CYP4X1: variants seen among roughly 807,000 people sequenced by gnomAD.
CYP4X1 encodes the protein cytochrome P450 family 4 subfamily X member 1.
Under a neutral mutation model 57.9 loss-of-function variants are expected in CYP4X1, and 44 were observed. The observed-to-expected ratio is 0.76, with a 90% CI of 0.60 to 0.98. The LOEUF is 0.98. CYP4X1 is among the 50% of genes least tolerant of loss of function. The pLI is 0.00. For missense variants in CYP4X1, 532 were observed against 623.9 expected, an observed-to-expected ratio of 0.85 and a Z score of 1.57; for synonymous variants, 227 against 228.6, an observed-to-expected ratio of 0.99 and a Z score of 0.06.
chr1:46,980,313 A>G, the CYP4X1 span, among the ~76,000 whole-genome samples: 2 of 152,234 alleles, frequency 1.3e-5, no homozygotes, highest in Non-Finnish European at 2.9e-5. Flanking sequence ...AAAAATCACA[A>G]GCATTCTTAT....
the CYP4X1 span, among the ~76,000 whole-genome samples, chr1:46,977,402 G>A: frequency 1.3e-5 from 2 of 152,080 alleles, no homozygotes; most frequent in East Asian, 3.9e-4. Flanking sequence ...TTATTGAAAT[G>A]AAGTAAGAAG....
intron 3 of CYP4X1, among the ~76,000 whole-genome samples, chr1:47,032,067 C>A (rs1474510964): frequency 6.6e-6 from 1 of 151,578 alleles, no homozygotes; most frequent in African/African-American, 2.4e-5. Context: ...AAAAAAAAAA[C>A]TACCCAAACT....
chr1:46,971,417 A>G, the CYP4X1 span, among the ~76,000 whole-genome samples: 1 of 152,168 alleles, frequency 6.6e-6, no homozygotes, highest in South Asian at 2.1e-4. Context: ...AGAATGGTTT[A>G]TATTTCTTTG....
the CYP4X1 span, among the ~76,000 whole-genome samples, chr1:46,971,770 G>T: frequency 6.6e-6 from 1 of 151,732 alleles, no homozygotes; most frequent in Non-Finnish European, 1.5e-5. Flanking sequence ...AATGGGGTTG[G>T]TTTTTTTGTT....
chr1:46,963,098 T>C, the CYP4X1 span, among the ~76,000 whole-genome samples: 31 of 152,188 alleles, frequency 2.0e-4, no homozygotes, highest in Admixed American at 2.0e-3. Context: ...TTGTTTTCCA[T>C]TTGTTTGGTA....
At chr1:46,979,284 T>C in the CYP4X1 span, among the ~76,000 whole-genome samples, 1 of 152,008 alleles carries the variant, frequency 6.6e-6, no homozygotes, top group African/African-American at 2.4e-5. Context: ...TAAAAAATGA[T>C]AAAGGGGATA....
the CYP4X1 span, among the ~76,000 whole-genome samples, chr1:47,014,033 C>T: frequency 2.0e-5 from 3 of 152,162 alleles, no homozygotes; most frequent in African/African-American, 4.8e-5. Flanking sequence ...CCTCGGCCTC[C>T]GAAAGTGCTG....
the CYP4X1 span, among the ~76,000 whole-genome samples, chr1:46,999,026 T>TTGTGTGTGTGTGTG: frequency 0.014 from 1,958 of 143,246 alleles, 27 homozygotes; most frequent in African/African-American, 0.031. Flanking sequence ...CTTGCTTTCT[T>TTGTGTGTGTGTGTG]TGTGTGTGTG....
At chr1:47,016,639 A>G in the CYP4X1 span, among the ~76,000 whole-genome samples, 1 of 152,218 alleles carries the variant, frequency 6.6e-6, no homozygotes, top group South Asian at 2.1e-4. Flanking sequence ...CTGGCCACAT[A>G]GTATGTGTAT....
At chr1:46,983,212 G>A in the CYP4X1 span, among the ~76,000 whole-genome samples, 1 of 152,200 alleles carries the variant, frequency 6.6e-6, no homozygotes, top group East Asian at 1.9e-4. Context: ...CAGAGGGCAT[G>A]TCTGTTGCCT....
chr1:47,018,840 T>C (rs1311714123), upstream of CYP4X1, among the ~76,000 whole-genome samples: 1 of 151,860 alleles, frequency 6.6e-6, no homozygotes, highest in Admixed American at 6.6e-5. Flanking sequence ...GCCAGAAAAA[T>C]CAGAATTCAA....
the CYP4X1 span, among the ~76,000 whole-genome samples, chr1:46,970,241 G>A: frequency 6.6e-6 from 1 of 152,184 alleles, no homozygotes; most frequent in African/African-American, 2.4e-5. Flanking sequence ...TATTTCTAAA[G>A]TGAAGAAAAC....
At chr1:46,985,008 C>G in the CYP4X1 span, among the ~76,000 whole-genome samples, 1 of 152,154 alleles carries the variant, frequency 6.6e-6, no homozygotes, top group Admixed American at 6.5e-5. Context: ...CTGGGATGCT[C>G]AAGCTTGGTG....
chr1:46,993,677 T>C, the CYP4X1 span, among the ~76,000 whole-genome samples: 2 of 151,896 alleles, frequency 1.3e-5, no homozygotes, highest in African/African-American at 2.4e-5. Context: ...ATTTCTCTGA[T>C]GGCCAGTGAT....
At chr1:47,026,152 A>C (rs1644061948) in intron 1 of CYP4X1, among the ~76,000 whole-genome samples, 1 of 152,206 alleles carries the variant, frequency 6.6e-6, no homozygotes, top group African/African-American at 2.4e-5. Flanking sequence ...AATAGAAAGA[A>C]TGAATAACAC....
chr1:46,977,264 T>G, the CYP4X1 span, among the ~76,000 whole-genome samples: 1 of 152,118 alleles, frequency 6.6e-6, no homozygotes, highest in African/African-American at 2.4e-5. Context: ...GAATAAACAG[T>G]GTAGAGCAGA....
downstream of CYP4X1, among the ~76,000 whole-genome samples, chr1:47,054,342 T>G (rs1557614824): frequency 1.3e-5 from 2 of 152,202 alleles, no homozygotes. Flanking sequence ...TAGTCTGAAG[T>G]CAGGTAGCAT....
At chr1:46,965,465 C>T in the CYP4X1 span, among the ~76,000 whole-genome samples, 2 of 152,218 alleles carry the variant, frequency 1.3e-5, no homozygotes, top group African/African-American at 4.8e-5. Context: ...TCTCAGGCCA[C>T]TCTACTGTAG....
At chr1:47,003,960 T>C in the CYP4X1 span, among the ~76,000 whole-genome samples, 3 of 152,176 alleles carry the variant, frequency 2.0e-5, no homozygotes, top group African/African-American at 7.2e-5. Flanking sequence ...GCCAAGAAAA[T>C]GGGGTCTGGA....
Sources: gnomAD v4.1 joint callset for allele counts (sites outside exome capture counted in the v4.1 genomes callset) on GRCh38, gnomAD v4.1.1 for gene constraint, MANE v1.5 for transcripts, NCBI Gene and HGNC (gene_info 2026-07-23, HGNC 2026-07-21) for gene names.